ASIC2: variants seen among roughly 807,000 people sequenced by gnomAD.
The protein encoded by ASIC2 is acid sensing ion channel subunit 2.
Under a neutral mutation model 57.3 loss-of-function variants are expected in ASIC2, and 25 were observed. The observed-to-expected ratio is 0.44, with a 90% CI of 0.32 to 0.61. ASIC2 has a LOEUF of 0.61. Ranked by LOEUF, ASIC2 falls within the 20% of genes least tolerant of loss-of-function variation. ASIC2 has a pLI of 0.06. For synonymous variants in ASIC2, 319 were observed against 307.5 expected (o/e 1.04, Z -0.39); for missense variants, 641 against 738.1 (o/e 0.87, Z 1.52).
chr17:33,938,627 T>G (rs979164907), intron 1 of ASIC2, among the ~76,000 whole-genome samples: 2 of 152,194 alleles, frequency 1.3e-5, no homozygotes. Flanking sequence ...GGAGAGTTAT[T>G]TGCCCAAGGC....
intron 1 of ASIC2, among the ~76,000 whole-genome samples, chr17:33,305,409 C>G (rs954027038): frequency 2.6e-5 from 4 of 152,122 alleles, no homozygotes; most frequent in Admixed American, 1.3e-4. Context: ...TGATAACATG[C>G]TTGGTTATTT....
At chr17:33,810,474 T>C (rs970132678) in intron 1 of ASIC2, among the ~76,000 whole-genome samples, 2 of 152,214 alleles carry the variant, frequency 1.3e-5, no homozygotes, top group East Asian at 3.9e-4. Flanking sequence ...ATGATTCCCA[T>C]ACAGAGCCAA....
chr17:34,129,764 T>C (rs968926456), intron 1 of ASIC2, among the ~76,000 whole-genome samples: 1 of 152,226 alleles, frequency 6.6e-6, no homozygotes, highest in African/African-American at 2.4e-5. Context: ...AAACAGGGCA[T>C]ACTAGTAGCT....
intron 1 of ASIC2, among the ~76,000 whole-genome samples, chr17:33,630,185 G>T (rs909191242): frequency 2.0e-5 from 3 of 152,044 alleles, no homozygotes; most frequent in Non-Finnish European, 4.4e-5. Context: ...TAAGAACTTT[G>T]GGATCTCATT....
intron 1 of ASIC2, among the ~76,000 whole-genome samples, chr17:33,515,974 G>A (rs1914553058): frequency 6.6e-6 from 1 of 152,092 alleles, no homozygotes; most frequent in East Asian, 1.9e-4. Context: ...GTGTGCGCCT[G>A]TAGTCCCAGC....
chr17:33,868,468 A>G (rs1176770243), intron 1 of ASIC2, among the ~76,000 whole-genome samples: 1 of 149,620 alleles, frequency 6.7e-6, no homozygotes, highest in East Asian at 2.0e-4. Flanking sequence ...TGGATCATAG[A>G]TTTAAAATGT....
At chr17:33,578,417 A>G (rs919714442) in intron 1 of ASIC2, among the ~76,000 whole-genome samples, 2 of 152,188 alleles carry the variant, frequency 1.3e-5, no homozygotes, top group African/African-American at 2.4e-5. Context: ...AGGCTCTGCT[A>G]CCTTACTCAT....
intron 4 of ASIC2, among the ~76,000 whole-genome samples, chr17:33,027,561 T>G (rs1280808145): frequency 6.6e-6 from 1 of 152,220 alleles, no homozygotes; most frequent in Non-Finnish European, 1.5e-5. Context: ...TTATAACAGC[T>G]GCTGATTGTG....
intron 1 of ASIC2, among the ~76,000 whole-genome samples, chr17:33,842,862 A>G (rs1339379986): frequency 6.6e-6 from 1 of 152,150 alleles, no homozygotes; most frequent in Non-Finnish European, 1.5e-5. Context: ...TGAAAGAGGA[A>G]TTAGATGGGT....
In ASIC2 at chr17:33,966,173, A is replaced by G. The variant is rs113730940; in HGVS notation, c.555+189805T>C. ...CCATCTGAGTACCTGTGCGGATGGTATTGTTAGCAGGTATACAGGAGAGGA... is the reference window on the plus strand; with the variant it reads ...CCATCTGAGTACCTGTGCGGATGGTGTTGTTAGCAGGTATACAGGAGAGGA... On this transcript the variant is annotated intron_variant, in intron 1 of 9. Transcript: ENST00000359872. Among the ~76,000 whole-genome samples, 328 of 152,330 alleles carry G rather than the reference A, an allele frequency of 2.2e-3. 1 individual carries two copies. Among genetic ancestry groups the G allele is most frequent in the African/African-American group, 7.3e-3 (303 of 41,578 alleles).
At chr17:33,337,915 G>A (rs1357454526) in intron 1 of ASIC2, among the ~76,000 whole-genome samples, 3 of 151,550 alleles carry the variant, frequency 2.0e-5, no homozygotes, top group South Asian at 2.1e-4. Context: ...TTCTGGAAGG[G>A]CAAAGAAGGT....
intron 1 of ASIC2, among the ~76,000 whole-genome samples, chr17:33,658,016 TC>T (rs1468409491): frequency 6.6e-6 from 1 of 152,148 alleles, no homozygotes; most frequent in Non-Finnish European, 1.5e-5. Context: ...AATAAGCCAG[TC>T]CAGAGAAGCA....
At chr17:33,123,747 G>T (rs1443486560) in intron 1 of ASIC2, among the ~76,000 whole-genome samples, 1 of 152,162 alleles carries the variant, frequency 6.6e-6, no homozygotes, top group East Asian at 1.9e-4. Context: ...AATTCCTACT[G>T]CTGTGAGTGT....
chr17:33,823,989 A>G (rs1380259865), intron 1 of ASIC2, among the ~76,000 whole-genome samples: 1 of 152,064 alleles, frequency 6.6e-6, no homozygotes, highest in Non-Finnish European at 1.5e-5. Flanking sequence ...AACTGAGGAG[A>G]GTGGATTGTT....
chr17:33,291,948 C>G lies in ASIC2; in HGVS notation c.168G>C (p.Arg56Ser), dbSNP rs1386573528. ...RALQGPGVAR[R>S]GRPSLSRAKL... ...TAGCGCGGCTCAGCGATGGCCGCCCCCTGCGGGCGACCCCTGGCCCCTGCA... is the reference window on the plus strand; with the variant it reads ...TAGCGCGGCTCAGCGATGGCCGCCCGCTGCGGGCGACCCCTGGCCCCTGCA... The change falls in exon 1 of 10, where the codon AGG becomes AGC. Residue 56 changes from arginine to serine, a missense_variant. This residue lies in a region of ASIC2 where 382 missense variants were observed against 398.0 expected (regional missense o/e 0.96). Transcript: ENST00000225823. The G allele has an allele frequency of 9.9e-6, 15 of 1,511,310 alleles. No homozygotes were observed. Among genetic ancestry groups the G allele is most frequent in the African/African-American group, 7.0e-5 (5 of 71,512 alleles). The allele number at this position is 1,511,310 out of a possible 1,614,324, so 93.6% of individuals were successfully genotyped here.
chr17:33,253,972 T>C (rs968377719), intron 1 of ASIC2, among the ~76,000 whole-genome samples: 3 of 152,196 alleles, frequency 2.0e-5, no homozygotes, highest in Non-Finnish European at 4.4e-5. Flanking sequence ...TTGTTTCCTC[T>C]GAATATTTTT....
At chr17:33,539,698 C>T (rs1042595705) in intron 1 of ASIC2, among the ~76,000 whole-genome samples, 3 of 152,188 alleles carry the variant, frequency 2.0e-5, no homozygotes, top group Non-Finnish European at 4.4e-5. Flanking sequence ...TCATAGGAAG[C>T]TCAGCTCAAT....
At chr17:34,082,955 T>C (rs1242961896) in intron 1 of ASIC2, among the ~76,000 whole-genome samples, 5 of 152,212 alleles carry the variant, frequency 3.3e-5, no homozygotes, top group African/African-American at 1.2e-4. Flanking sequence ...ATGCTTCTCT[T>C]TCTTTGTATA....
chr17:33,536,491 C>T (rs1915233935), intron 1 of ASIC2, among the ~76,000 whole-genome samples: 1 of 152,192 alleles, frequency 6.6e-6, no homozygotes, highest in Non-Finnish European at 1.5e-5. Flanking sequence ...GGTCACCCTG[C>T]TCCCAACAGA....
Sources: allele counts gnomAD v4.1 joint callset (sites outside exome capture counted in the v4.1 genomes callset), GRCh38; gene constraint gnomAD v4.1.1; regional missense constraint gnomAD v4.1.1; transcripts MANE v1.5; gene names NCBI Gene and HGNC (gene_info 2026-07-23, HGNC 2026-07-21).